The following RREB1 variants were observed in gnomAD, a reference collection of about 807,000 sequenced individuals.
RREB1 encodes ras responsive element binding protein 1, also known as ras-responsive element-binding protein 1.
Under a neutral mutation model 117.8 loss-of-function variants are expected in RREB1, and 27 were observed. The ratio of observed to expected loss-of-function variants is 0.23; its 90% CI spans 0.17 to 0.32. The LOEUF (loss-of-function observed/expected upper bound fraction) is 0.32, where lower values mean the gene tolerates loss of function less well. Ranked by LOEUF, RREB1 falls within the 10% of genes least tolerant of loss-of-function variation. The pLI is 1.00. For missense variants in RREB1, 2,577 were observed against 2,378.2 expected (o/e 1.08, Z -1.74); for synonymous variants, 1,298 against 1,026.7 (o/e 1.26, Z -5.05).
chr6:7,214,403 A>G (rs1766788612), intron 8 of RREB1: 2 of 152,240 alleles, frequency 1.3e-5, no homozygotes, highest in African/African-American at 4.8e-5. Context: ...GCCCGTAAGA[A>G]GAGAGTTGCC....
chr6:7,198,184 G>A (rs551318842), intron 6 of RREB1, among the ~76,000 whole-genome samples: 1 of 152,286 alleles, frequency 6.6e-6, no homozygotes, highest in African/African-American at 2.4e-5. Context: ...GAAGGGTGGA[G>A]GTGACCACTC....
rs529133032 is a variant in RREB1 at position 7,184,277 on chromosome 6, T to A, written c.171+2195T>A. ...GTAGGTTCATTTTATTATTATTATT[T>A]TTTTTATTATTATTATGTTTTAAAA... On this transcript the variant is annotated intron_variant, in intron 4 of 12. Transcript: ENST00000379938. 6.5e-4 allele frequency among the ~76,000 whole-genome samples: 99 copies of A among 151,216 alleles called. 2 individuals are homozygous for A. Among genetic ancestry groups the A allele is most frequent in the South Asian group, 4.4e-3 (21 of 4,812 alleles).
Position 7,189,301 on chromosome 6 carries a change from C to G in RREB1, c.404C>G (p.Thr135Ser). 6.3e-7 allele frequency: 1 copy of G among 1,595,464 alleles called. No homozygotes were observed. The highest frequency in any genetic ancestry group is 1.7e-4 in the Middle Eastern group (1 of 6,036). ...YKCTVCGQSF[T>S]TNGNMHRHMK... ...TGCACTGTGTGTGGCCAGTCATTTA[C>G]CACCAATGGGAACATGCACAGGTGG... Residue 135 changes from threonine to serine, a missense_variant, in exon 6 of 13, where the codon ACC becomes AGC. By Grantham distance (58) the Thr-to-Ser change is moderately conservative. Coordinates refer to ENST00000379938, the MANE Select transcript of RREB1 (RefSeq NM_001003699.4).
At chr6:7,221,272 C>T (rs1181185216) in intron 8 of RREB1, among the ~76,000 whole-genome samples, 1 of 152,054 alleles carries the variant, frequency 6.6e-6, no homozygotes, top group Non-Finnish European at 1.5e-5. Context: ...GGGTTCACGC[C>T]ATTCTCCTGC....
rs1378153373 is a variant in RREB1 at position 7,229,025 on chromosome 6, G to A, written c.926G>A (p.Cys309Tyr). The A allele has an allele frequency of 5.2e-6, 8 of 1,536,450 alleles. No homozygotes were observed. The highest frequency in any genetic ancestry group is 1.4e-5 in the African/African-American group (1 of 72,544). The stretch of plus-strand genomic sequence containing the variant: ...TGGTGCGAAACAAACCTGCGGAGGT[G>A]CATCAGCGAGCAACACCGTTTTGTC... ...QAWCETNLRR[C>Y]ISEQHRFVCD... Residue 309 changes from cysteine (C) to tyrosine (Y), a missense_variant, in exon 10 of 13, where the codon TGC becomes TAC. Coordinates refer to ENST00000379938, the MANE Select transcript of RREB1 (RefSeq NM_001003699.4). This position sits in a 1 kb window ranked among gnomAD's most constrained non-coding sequence, Gnocchi z 4.5.
chr6:7,140,491 A>G (rs759673578), intron 1 of RREB1, among the ~76,000 whole-genome samples: 1 of 152,256 alleles, frequency 6.6e-6, no homozygotes, highest in Non-Finnish European at 1.5e-5. Flanking sequence ...CAGATATAGA[A>G]TAAACGTGTT....
intron 1 of RREB1, among the ~76,000 whole-genome samples, chr6:7,117,415 T>G (rs1455952220): frequency 1.1e-4 from 6 of 54,748 alleles, no homozygotes; most frequent in Non-Finnish European, 3.1e-4. Flanking sequence ...TTTTTTTTTT[T>G]TTTTTTTTTT....
intron 1 of RREB1, among the ~76,000 whole-genome samples, chr6:7,117,994 T>G (rs1205140824): frequency 6.6e-6 from 1 of 152,250 alleles, no homozygotes; most frequent in African/African-American, 2.4e-5. Context: ...ATAAATATTT[T>G]TTAACAAGTG....
At chr6:7,127,213 A>G (rs1255674368) in intron 1 of RREB1, among the ~76,000 whole-genome samples, 1 of 152,106 alleles carries the variant, frequency 6.6e-6, no homozygotes, top group Non-Finnish European at 1.5e-5. Context: ...TGAGCCATCA[A>G]ATGCTTTGGA....
intron 10 of RREB1, among the ~76,000 whole-genome samples, chr6:7,236,887 GTTTTT>G (rs869133214): frequency 3.2e-5 from 2 of 63,404 alleles, no homozygotes; most frequent in African/African-American, 1.4e-4. Context: ...GTTTTTGGAG[GTTTTT>G]TTTTTTTTTT....
At position 7,231,275 on chromosome 6, in the gene RREB1, C is replaced by T. The variant is rs775143618; in HGVS notation, c.3176C>T (p.Thr1059Ile). ...CTGCTTTTGCCAAAGCCCCCCGTGA[C>T]AGAAGAGCTGCCCCCGCTGGCCTCC... is the stretch of plus-strand genomic sequence containing the variant. ...PPLLLPKPPVTEELPPLASIA... is the reference protein window; with the variant it reads ...PPLLLPKPPVIEELPPLASIA... Residue 1059 changes from threonine to isoleucine, a missense_variant, in exon 10 of 13, where the codon ACA becomes ATA. Physicochemically the swap from Thr to Ile is moderately conservative, Grantham distance 89 (BLOSUM62 -1). Transcript: ENST00000379938. 3.1e-6 allele frequency: 5 copies of T among 1,611,426 alleles called. No homozygotes were observed. Among genetic ancestry groups the T allele is most frequent in the South Asian group, 2.2e-5 (2 of 90,868 alleles).
At chr6:7,193,897 G>A (rs1377221667) in intron 6 of RREB1, among the ~76,000 whole-genome samples, 3 of 152,186 alleles carry the variant, frequency 2.0e-5, no homozygotes, top group Non-Finnish European at 2.9e-5. Flanking sequence ...TGATTGGGAC[G>A]CACAGACTGT....
intron 8 of RREB1, among the ~76,000 whole-genome samples, chr6:7,225,001 G>A (rs1302255897): frequency 6.6e-6 from 1 of 152,136 alleles, no homozygotes; most frequent in African/African-American, 2.4e-5. Context: ...GCTACAGCGC[G>A]ATAAGGCAAG....
At chr6:7,208,982 C>T (rs1471435960) in intron 6 of RREB1, among the ~76,000 whole-genome samples, 1 of 152,176 alleles carries the variant, frequency 6.6e-6, no homozygotes, top group Non-Finnish European at 1.5e-5. Context: ...GTTGGCCTCC[C>T]TGCACCTCAG....
chr6:7,118,919 G>T (rs977166405), intron 1 of RREB1, among the ~76,000 whole-genome samples: 1 of 145,466 alleles, frequency 6.9e-6, no homozygotes, highest in African/African-American at 2.6e-5. Flanking sequence ...AAAGTGATGG[G>T]ATTACAAGCG....
At chr6:7,191,166 G>A (rs1172652289) in intron 6 of RREB1, among the ~76,000 whole-genome samples, 1 of 152,040 alleles carries the variant, frequency 6.6e-6, no homozygotes, top group Non-Finnish European at 1.5e-5. Context: ...CTGAAACTGT[G>A]GTGCTCTGGG....
Position 7,144,069 on chromosome 6 carries a change from C to CT in RREB1, c.-284-32576dup, listed in dbSNP as rs11322929. On this transcript the variant is annotated intron_variant, in intron 1 of 12. Transcript: ENST00000379938. Reference sequence around the variant, plus strand: ...TGTTTTTGTGGCTTGGTTTTGCACACTTTTTTTTTTATATTCTCAAACATG... The same window carrying CT: ...TGTTTTTGTGGCTTGGTTTTGCACACTTTTTTTTTTTATATTCTCAAACATG... Among the ~76,000 whole-genome samples, 49 of 148,668 alleles carry CT rather than the reference C, an allele frequency of 3.3e-4. No homozygotes were observed. In the South Asian group the frequency reaches 3.8e-3, roughly 12 times the overall value.
rs1368917371 is a variant in RREB1 at position 7,248,882 on chromosome 6, G to T, written c.5143G>T (p.Asp1715Tyr). 1.3e-6 allele frequency: 2 copies of T among 1,586,594 alleles called. No individual in the cohort carries two copies. Among genetic ancestry groups the T allele is most frequent in the African/African-American group, 1.3e-5 (1 of 74,256 alleles). The stretch of plus-strand genomic sequence containing the variant: ...AGAGAGCCCGGCGGCCCTGGGGCAG[G>T]ACCTGCTGGAGCCGCGCAGCAAGAG... ...NPESPAALGQ[D>Y]LLEPRSKRPA... The change falls in exon 13 of 13, where the codon GAC (aspartate) becomes TAC (tyrosine). Residue 1715 changes from aspartate to tyrosine, a missense_variant. Physicochemically the swap from Asp to Tyr is radical, Grantham distance 160. Transcript: ENST00000379938.
intron 1 of RREB1, among the ~76,000 whole-genome samples, chr6:7,168,254 G>GAAA (rs574593859): frequency 0.07 from 5,114 of 72,772 alleles, 358 homozygotes; most frequent in East Asian, 0.27. Context: ...GACTCCGTCT[G>GAAA]AAAAAAAAAA....
Sources: allele counts gnomAD v4.1 joint callset (sites outside exome capture counted in the v4.1 genomes callset), GRCh38; gene constraint gnomAD v4.1.1; non-coding constraint Gnocchi (gnomAD v3.1); transcripts MANE v1.5; gene names NCBI Gene and HGNC (gene_info 2026-07-23, HGNC 2026-07-21).